Variants in RYK observed in about 807,000 individuals in gnomAD.
The protein encoded by RYK is inactive tyrosine-protein kinase RYK.
RYK carries 21 observed loss-of-function variants against 70.2 expected under a neutral mutation model. The observed-to-expected ratio is 0.30, with a 90% CI of 0.21 to 0.43. RYK has a LOEUF of 0.43. Ranked by LOEUF, RYK falls within the 20% of genes least tolerant of loss-of-function variation. The pLI is 1.00. For synonymous variants in RYK, 267 were observed against 278.0 expected (o/e 0.96, Z 0.39); for missense variants, 604 against 753.3 (o/e 0.80, Z 2.32).
intron 13 of RYK, among the ~76,000 whole-genome samples, chr3:134,173,482 C>A (rs1342086300): frequency 1.3e-5 from 2 of 152,160 alleles, no homozygotes; most frequent in Admixed American, 1.3e-4. Flanking sequence ...GATGGAGAGG[C>A]CCCAGGAAAC....
intron 6 of RYK, among the ~76,000 whole-genome samples, chr3:134,201,122 T>C (rs1004080097): frequency 1.3e-5 from 2 of 152,204 alleles, no homozygotes; most frequent in African/African-American, 4.8e-5. Flanking sequence ...CAAAGTCCTA[T>C]CAAAATGTTC....
chr3:134,220,193 CAA>C (rs2014694373), intron 2 of RYK, among the ~76,000 whole-genome samples: 1 of 151,898 alleles, frequency 6.6e-6, no homozygotes, highest in Non-Finnish European at 1.5e-5. Context: ...ATGTTAAGGT[CAA>C]AAAACACAAA....
At chr3:134,188,519 C>T (rs1352627508) in intron 9 of RYK, among the ~76,000 whole-genome samples, 1 of 152,136 alleles carries the variant, frequency 6.6e-6, no homozygotes, top group African/African-American at 2.4e-5. Context: ...TATGGCTATA[C>T]CTGCAAAAGT....
At chr3:134,216,323 G>A (rs550299662) in intron 2 of RYK, among the ~76,000 whole-genome samples, 42 of 152,172 alleles carry the variant, frequency 2.8e-4, no homozygotes, top group African/African-American at 9.9e-4. Context: ...ACCTCACTCT[G>A]CAAAGGACAC....
chr3:134,219,568 A>G (rs1029701507), intron 2 of RYK, among the ~76,000 whole-genome samples: 15 of 152,364 alleles, frequency 9.8e-5, no homozygotes, highest in Middle Eastern at 3.4e-3. Flanking sequence ...TTTGAAATAC[A>G]TTTATTATTT....
chr3:134,236,198 T>C (rs2015197470), intron 1 of RYK, among the ~76,000 whole-genome samples: 3 of 152,072 alleles, frequency 2.0e-5, no homozygotes, highest in Non-Finnish European at 1.5e-5. Flanking sequence ...TCAAAGGTTA[T>C]GTAAGTAAAG....
At chr3:134,172,369 C>T (rs905817853) in intron 13 of RYK, among the ~76,000 whole-genome samples, 2 of 152,210 alleles carry the variant, frequency 1.3e-5, no homozygotes, top group Admixed American at 6.5e-5. Flanking sequence ...TTATGTTCTA[C>T]AACCAAAGCC....
intron 4 of RYK, among the ~76,000 whole-genome samples, chr3:134,208,904 G>A (rs74994208): frequency 0.091 from 13,806 of 151,898 alleles, 1,290 homozygotes; most frequent in South Asian, 0.32. Context: ...GAGGGTTTGC[G>A]AGGTTTTTTT....
intron 2 of RYK, among the ~76,000 whole-genome samples, chr3:134,213,813 T>A (rs2014473286): frequency 6.6e-6 from 1 of 152,116 alleles, no homozygotes; most frequent in African/African-American, 2.4e-5. Context: ...GTTTATAACT[T>A]CTTTTTTTGA....
intron 6 of RYK, 193 bp from the exon 7 acceptor site, chr3:134,195,375 A>G: frequency 4.2e-6 from 2 of 472,662 alleles, no homozygotes; most frequent in Non-Finnish European, 7.4e-6. Flanking sequence ...TTTCATTTCT[A>G]TCTCCAAAAT....
At chr3:134,176,867 G>A (rs566960584) in intron 11 of RYK, among the ~76,000 whole-genome samples, 73 of 151,824 alleles carry the variant, frequency 4.8e-4, no homozygotes, top group African/African-American at 1.7e-3. Context: ...TGGCTACCAC[G>A]GTGAAACCCC....
At chr3:134,168,911 C>G (rs952695250) in intron 13 of RYK, among the ~76,000 whole-genome samples, 1 of 152,184 alleles carries the variant, frequency 6.6e-6, no homozygotes, top group Non-Finnish European at 1.5e-5. Flanking sequence ...CAGGATACAA[C>G]AAGCACTGGG....
chr3:134,234,530 G>A (rs1461166260), intron 1 of RYK, among the ~76,000 whole-genome samples: 2 of 152,206 alleles, frequency 1.3e-5, no homozygotes, highest in Admixed American at 6.5e-5. Flanking sequence ...CTATCTGAAT[G>A]AGAATAACAT....
chr3:134,221,418 T>C (rs761812049), intron 2 of RYK, among the ~76,000 whole-genome samples: 1 of 151,946 alleles, frequency 6.6e-6, no homozygotes, highest in Non-Finnish European at 1.5e-5. Context: ...TTGGCCAAGA[T>C]GGTCTCGATC....
At chr3:134,161,975 T>G (rs889784645) in intron 13 of RYK, among the ~76,000 whole-genome samples, 1 of 152,204 alleles carries the variant, frequency 6.6e-6, no homozygotes, top group African/African-American at 2.4e-5. Flanking sequence ...CGGAAACCTG[T>G]AGGGGGAATC....
chr3:134,202,979 T>C (rs1314059709), intron 5 of RYK, 105 bp from the exon 6 acceptor site: 4 of 878,766 alleles, frequency 4.6e-6, no homozygotes, highest in East Asian at 5.5e-5. Flanking sequence ...TGCCCATTCT[T>C]TGTAAGATCA....
intron 6 of RYK, among the ~76,000 whole-genome samples, chr3:134,196,209 G>A (rs758744259): frequency 2.0e-5 from 3 of 152,146 alleles, no homozygotes; most frequent in Non-Finnish European, 4.4e-5. Context: ...ACCTTGTCTC[G>A]TGGGTACATT....
At chr3:134,241,107 G>C (rs1382356685) in intron 1 of RYK, among the ~76,000 whole-genome samples, 5 of 117,900 alleles carry the variant, frequency 4.2e-5, no homozygotes, top group Non-Finnish European at 9.8e-5. Flanking sequence ...TGGTGGGGGA[G>C]GGAAATCACT....
intron 14 of RYK, among the ~76,000 whole-genome samples, chr3:134,158,993 C>T (rs2012351443): frequency 6.6e-6 from 1 of 152,168 alleles, no homozygotes; most frequent in African/African-American, 2.4e-5. Context: ...TCCTCTCAGA[C>T]TAATTTATAG....
Sources: gnomAD v4.1 joint callset for allele counts (sites outside exome capture counted in the v4.1 genomes callset) on GRCh38, gnomAD v4.1.1 for gene constraint, MANE v1.5 for transcripts, NCBI Gene and HGNC (gene_info 2026-07-23, HGNC 2026-07-21) for gene names.